GNAO1: variants seen among roughly 807,000 people sequenced by gnomAD.
The protein encoded by GNAO1 is guanine nucleotide-binding protein G(o) subunit alpha.
For missense variants in GNAO1, 166 were observed against 478.7 expected, an observed-to-expected ratio of 0.35 and a Z score of 6.10; for synonymous variants, 164 against 180.7, an observed-to-expected ratio of 0.91 and a Z score of 0.74.
At chr16:56,274,710 T>C (rs1284742364) in intron 2 of GNAO1, among the ~76,000 whole-genome samples, 4 of 152,208 alleles carry the variant, frequency 2.6e-5, no homozygotes, top group African/African-American at 9.6e-5. Context: ...CTGTCCAGAA[T>C]AGCCGAATTT....
rs72814438 is a variant in GNAO1, at chr16:56,210,562, G to A, written c.161+17946G>A. Among the ~76,000 whole-genome samples, 201 of 152,340 alleles carry A rather than the reference G, an allele frequency of 1.3e-3. 1 individual carries two copies. Among genetic ancestry groups the A allele is most frequent in the Non-Finnish European group, 2.6e-3 (174 of 68,026 alleles). On this transcript the variant is annotated intron_variant, in intron 2 of 8. Transcript: ENST00000262493. ...CAACAAATGCGAGTTCCTGTTGTCT[G>A]CAACGTCACCAGCATTTGGTGTTGT...
At chr16:56,215,572 T>C (rs1596801150) in intron 2 of GNAO1, among the ~76,000 whole-genome samples, 1 of 152,186 alleles carries the variant, frequency 6.6e-6, no homozygotes, top group African/African-American at 2.4e-5. Context: ...AATAAGATAA[T>C]TGTGGTTGTT....
chr16:56,236,523 C>T (rs1400933666), intron 2 of GNAO1, among the ~76,000 whole-genome samples: 2 of 152,166 alleles, frequency 1.3e-5, no homozygotes, highest in Non-Finnish European at 2.9e-5. Flanking sequence ...CCAACCCAGT[C>T]AAGTTCATAT....
In GNAO1 at chr16:56,355,125, T is replaced by TACACACACACACACAC. The variant is rs59437828; in HGVS notation, c.*28+59_*28+74dup. The TACACACACACACACAC allele has an allele frequency of 7.6e-4, 425 of 556,314 alleles. 9 individuals carry two copies. The highest frequency in any genetic ancestry group is 6.8e-3 in the South Asian group (251 of 36,654). 34.5% of individuals were successfully genotyped at this position (556,314 alleles called of 1,614,324 possible). ...ACAGAACAGCTTGCGTGCGCGCGCA[T>TACACACACACACACAC]ACACACACACACACACACACACACA... On this transcript the variant is annotated intron_variant, in intron 8 of 8. Coordinates refer to ENST00000262493, the MANE Select transcript of GNAO1 (RefSeq NM_020988.3).
chr16:56,282,300 T>C (rs1210159534), intron 3 of GNAO1, among the ~76,000 whole-genome samples: 1 of 152,238 alleles, frequency 6.6e-6, no homozygotes, highest in Non-Finnish European at 1.5e-5. Flanking sequence ...AATGAGATAA[T>C]GCCTGTAGCG....
intron 2 of GNAO1, among the ~76,000 whole-genome samples, chr16:56,214,394 C>T (rs144676702): frequency 6.6e-6 from 1 of 152,228 alleles, no homozygotes; most frequent in African/African-American, 2.4e-5. Context: ...TAGGGGCAGA[C>T]ACCTGGGAGC....
chr16:56,322,714 C>CT (rs1239098143), intron 3 of GNAO1, among the ~76,000 whole-genome samples: 1 of 152,120 alleles, frequency 6.6e-6, no homozygotes, highest in African/African-American at 2.4e-5. Flanking sequence ...AGGAGGTCGA[C>CT]TTTGAGTCCA....
intron 2 of GNAO1, chr16:56,235,042 G>A (rs1176146415): frequency 2.9e-5 from 9 of 307,678 alleles, no homozygotes; most frequent in Non-Finnish European, 5.1e-5. Flanking sequence ...AAGGTGCTGC[G>A]GCACTTGAGT....
chr16:56,192,417 C>A, intron 1 of GNAO1, 64 bp downstream of exon 1: 2 of 1,028,396 alleles, frequency 1.9e-6, no homozygotes, highest in Non-Finnish European at 3.0e-6. Flanking sequence ...CTGCCACCAG[C>A]TCCCCCACCC....
chr16:56,347,446 A>C, intron 6 of GNAO1: 1 of 984,996 alleles, frequency 1.0e-6, no homozygotes, highest in Non-Finnish European at 1.2e-6. Context: ...CCCATCTCCC[A>C]CCCCTCAGCA....
chr16:56,196,144 C>A (rs997820512), intron 2 of GNAO1, among the ~76,000 whole-genome samples: 7 of 152,234 alleles, frequency 4.6e-5, no homozygotes, highest in African/African-American at 1.2e-4. Context: ...GTTCCCCCCC[C>A]CTTGTGTGTG....
At chr16:56,293,013 C>G (rs2143563917) in intron 3 of GNAO1, among the ~76,000 whole-genome samples, 1 of 152,282 alleles carries the variant, frequency 6.6e-6, no homozygotes, top group Admixed American at 6.5e-5. Context: ...CCCCTGTGGT[C>G]AGTGGTTCAG....
intron 2 of GNAO1, among the ~76,000 whole-genome samples, chr16:56,224,902 C>T (rs764547498): frequency 3.3e-4 from 51 of 152,338 alleles, no homozygotes; most frequent in Middle Eastern, 3.4e-3. Flanking sequence ...TTTCAGGTGC[C>T]CTTTAGAGGA....
intron 3 of GNAO1, among the ~76,000 whole-genome samples, chr16:56,304,434 G>A (rs1481273446): frequency 2.6e-5 from 4 of 152,168 alleles, no homozygotes; most frequent in Admixed American, 1.3e-4. Flanking sequence ...TTCAAAATAC[G>A]GGATATATTA....
intron 3 of GNAO1, among the ~76,000 whole-genome samples, chr16:56,288,507 A>G (rs1216003385): frequency 1.3e-5 from 2 of 152,240 alleles, no homozygotes; most frequent in African/African-American, 4.8e-5. Flanking sequence ...CCCAAGCTAT[A>G]TAAGGAGAGG....
intron 3 of GNAO1, among the ~76,000 whole-genome samples, chr16:56,325,248 G>C (rs949393302): frequency 4.6e-5 from 7 of 152,220 alleles, no homozygotes; most frequent in African/African-American, 1.7e-4. Context: ...AGGCCAAGGC[G>C]GGTGGATCAC....
chr16:56,255,974 A>G (rs184754732), intron 2 of GNAO1, among the ~76,000 whole-genome samples: 14 of 152,282 alleles, frequency 9.2e-5, no homozygotes, highest in Admixed American at 9.1e-4. Context: ...GAGTTGCTGT[A>G]GGGCTCATGT....
chr16:56,303,315 G>A (rs1270173818), intron 3 of GNAO1, among the ~76,000 whole-genome samples: 1 of 152,232 alleles, frequency 6.6e-6, no homozygotes, highest in Non-Finnish European at 1.5e-5. Flanking sequence ...AAGCAACCAA[G>A]TGGTGTGATG....
intron 3 of GNAO1, among the ~76,000 whole-genome samples, chr16:56,322,147 A>T (rs1443511728): frequency 5.3e-5 from 8 of 152,098 alleles, no homozygotes; most frequent in African/African-American, 1.9e-4. Context: ...TTAAGACCTA[A>T]TCACCTCCCA....
Sources: gnomAD v4.1 joint callset for allele counts (sites outside exome capture counted in the v4.1 genomes callset) on GRCh38, gnomAD v4.1.1 for gene constraint, MANE v1.5 for transcripts, NCBI Gene and HGNC (gene_info 2026-07-23, HGNC 2026-07-21) for gene names.